GUCY1A1: variants seen among roughly 807,000 people sequenced by gnomAD.
The protein encoded by GUCY1A1 is guanylate cyclase 1 soluble subunit alpha 1.
Under a neutral mutation model 64.5 loss-of-function variants are expected in GUCY1A1, and 48 were observed. The ratio of observed to expected loss-of-function variants is 0.74; its 90% CI spans 0.59 to 0.95. The LOEUF (loss-of-function observed/expected upper bound fraction) is 0.95, where lower values mean the gene tolerates loss of function less well. Among genes scored for constraint, GUCY1A1 ranks in the 40% least tolerant of loss-of-function variants. The pLI is 0.00. For missense variants in GUCY1A1, 804 were observed against 825.3 expected, an observed-to-expected ratio of 0.97 and a Z score of 0.32; for synonymous variants, 308 against 303.4, an observed-to-expected ratio of 1.02 and a Z score of -0.16.
chr4:155,724,114 C>T (rs1734345045), intron 9 of GUCY1A1, among the ~76,000 whole-genome samples: 1 of 152,092 alleles, frequency 6.6e-6, no homozygotes, highest in South Asian at 2.1e-4. Context: ...CCCCAGTACT[C>T]ATCTCCTCCT....
chr4:155,692,857 G>C (rs191774338), intron 2 of GUCY1A1, among the ~76,000 whole-genome samples: 1 of 152,068 alleles, frequency 6.6e-6, no homozygotes, highest in Non-Finnish European at 1.5e-5. Context: ...TCAGGAGTTC[G>C]AGACCAGCCT....
intron 2 of GUCY1A1, among the ~76,000 whole-genome samples, chr4:155,677,302 C>T (rs72970581): frequency 0.022 from 3,316 of 152,208 alleles, 114 homozygotes; most frequent in African/African-American, 0.075. Context: ...TGATTTTGTT[C>T]ATCAGCTTAT....
chr4:155,668,882 T>C (rs1206229924), intron 2 of GUCY1A1, among the ~76,000 whole-genome samples: 1 of 119,836 alleles, frequency 8.3e-6, no homozygotes, highest in Non-Finnish European at 1.8e-5. Context: ...ACTGGGTCCG[T>C]GATCTTCTTC....
At chr4:155,708,928 G>GTGTACTTTACTCCTTT (rs1299916580) in intron 5 of GUCY1A1, among the ~76,000 whole-genome samples, 2 of 152,038 alleles carry the variant, frequency 1.3e-5, no homozygotes, top group Non-Finnish European at 2.9e-5. Flanking sequence ...GTGGTACTCA[G>GTGTACTTTACTCCTTT]AGTGTAAAGA....
chr4:155,682,454 A>C (rs1735915844), intron 2 of GUCY1A1, among the ~76,000 whole-genome samples: 1 of 152,126 alleles, frequency 6.6e-6, no homozygotes, highest in Non-Finnish European at 1.5e-5. Flanking sequence ...AGCGGGGCGG[A>C]TCACGAGGTT....
intron 6 of GUCY1A1, among the ~76,000 whole-genome samples, chr4:155,712,163 C>A (rs1419688367): frequency 1.3e-5 from 2 of 152,170 alleles, no homozygotes; most frequent in South Asian, 2.1e-4. Context: ...CTGCGTCTTG[C>A]TCTGTCGCCC....
intron 8 of GUCY1A1, among the ~76,000 whole-genome samples, chr4:155,720,337 T>TTCTATCTA (rs59667368): frequency 0.055 from 8,311 of 149,844 alleles, 263 homozygotes; most frequent in East Asian, 0.13. Flanking sequence ...AAGAGCTTTA[T>TTCTATCTA]TCTATCTATC....
chr4:155,711,059 T>C lies in GUCY1A1; in HGVS notation c.894T>C (p.Ile298=). 1 of 1,614,102 alleles carries C rather than the reference T, an allele frequency of 6.2e-7. No homozygotes were observed. Among genetic ancestry groups the C allele is most frequent in the Non-Finnish European group, 8.5e-7 (1 of 1,179,946 alleles). ...FHFMFDKDMT[I]LQFGNGIRRL... The stretch of plus-strand genomic sequence containing the variant: ...TCATGTTTGACAAAGATATGACAAT[T>C]CTGCAATTTGGCAATGGCATCAGAA... Residue 298 remains isoleucine, a synonymous_variant, in exon 6 of 10, where the codon ATT becomes ATC. Transcript: ENST00000506455.
chr4:155,693,906 G>A (rs930744928), intron 2 of GUCY1A1, among the ~76,000 whole-genome samples: 3 of 152,126 alleles, frequency 2.0e-5, no homozygotes, highest in African/African-American at 7.2e-5. Flanking sequence ...GAATGAGAGA[G>A]TTAAGTTTAA....
chr4:155,669,352 ATGCT>A (rs1314868097), intron 2 of GUCY1A1, among the ~76,000 whole-genome samples: 2 of 152,072 alleles, frequency 1.3e-5, no homozygotes, highest in African/African-American at 4.8e-5. Flanking sequence ...TAAAGTACTT[ATGCT>A]TGGTATAGTG....
rs1398886895 is a variant in GUCY1A1, at chr4:155,696,925, CT to C, written c.59del (p.Leu20ArgfsTer62). 1.2e-6 allele frequency: 2 copies of C among 1,612,480 alleles called. No individual in the cohort carries two copies. Among genetic ancestry groups the C allele is most frequent in the Non-Finnish European group, 1.7e-6 (2 of 1,178,650 alleles). On this transcript the variant is annotated frameshift_variant, in exon 3 of 10. Transcript: ENST00000506455. LOFTEE classifies it high-confidence loss of function. ...CACAGGAGAGTGTCCTTTCTCCTTACTGGCACCAGGTCAAGTTCCTAACGAG... is the reference window on the plus strand; with the variant it reads ...CACAGGAGAGTGTCCTTTCTCCTTACGGCACCAGGTCAAGTTCCTAACGAG... ...KITGECPFSL[L>X]APGQVPNESS... is the part of the protein sequence containing the mutation.
chr4:155,700,466 C>T (rs1452717085), intron 3 of GUCY1A1, among the ~76,000 whole-genome samples: 2 of 152,110 alleles, frequency 1.3e-5, no homozygotes, highest in African/African-American at 4.8e-5. Flanking sequence ...ATAAACCACA[C>T]CAATGATATT....
chr4:155,722,529 G>A (rs1734104353), intron 9 of GUCY1A1: 1 of 757,516 alleles, frequency 1.3e-6, no homozygotes, highest in Non-Finnish European at 1.6e-6. Context: ...AGTTCTGGCA[G>A]TAAACACCCA....
intron 6 of GUCY1A1, among the ~76,000 whole-genome samples, chr4:155,712,848 T>C (rs1217174649): frequency 2.0e-5 from 3 of 152,240 alleles, no homozygotes; most frequent in African/African-American, 7.2e-5. Context: ...GAGAAAGCCT[T>C]GAAGCAAGAG....
intron 7 of GUCY1A1, among the ~76,000 whole-genome samples, chr4:155,714,353 A>G (rs1732960931): frequency 6.6e-6 from 1 of 152,214 alleles, no homozygotes; most frequent in Non-Finnish European, 1.5e-5. Context: ...GTTAGGTAAT[A>G]CATGATATTC....
Position 155,734,039 on chromosome 4 carries a change from T to C in GUCY1A1, c.*3808T>C, listed in dbSNP as rs541589229. On this transcript the variant is annotated 3_prime_UTR_variant, in exon 10 of 10. Transcript: ENST00000506455. ...GGAGGAAAGAAGAGTTGCTTCAGCATTTTGACTAACATTTCTTCCAAATTT... is the reference window on the plus strand; with the variant it reads ...GGAGGAAAGAAGAGTTGCTTCAGCACTTTGACTAACATTTCTTCCAAATTT... Among the ~76,000 whole-genome samples the C allele has an allele frequency of 1.4e-4, 21 of 151,936 alleles. No individual in the cohort carries two copies. Among genetic ancestry groups the C allele is most frequent in the Non-Finnish European group, 3.1e-4 (21 of 67,924 alleles).
chr4:155,677,122 T>G lies in GUCY1A1; in HGVS notation c.-113+9703T>G, dbSNP rs1057233284. Among the ~76,000 whole-genome samples the G allele has an allele frequency of 3.3e-4, 49 of 146,722 alleles. 4 individuals carry two copies. The highest frequency in any genetic ancestry group is 1.1e-3 in the African/African-American group (41 of 36,224). ...TTTTTAATCCCTGAAATTTCGTCCT[T>G]TAGAATGTAGTAATAGGTACCTAAT... On this transcript the variant is annotated intron_variant, in intron 2 of 9. Transcript: ENST00000506455.
intron 9 of GUCY1A1, among the ~76,000 whole-genome samples, chr4:155,729,224 C>G (rs1455786904): frequency 1.3e-5 from 2 of 151,774 alleles, no homozygotes; most frequent in African/African-American, 4.8e-5. Context: ...AACCCACAGC[C>G]ATGCAACATT....
At chr4:155,697,339 G>C (rs1360379594) in intron 3 of GUCY1A1, among the ~76,000 whole-genome samples, 1 of 152,110 alleles carries the variant, frequency 6.6e-6, no homozygotes, top group Non-Finnish European at 1.5e-5. Context: ...CTTTTCAAAA[G>C]AACACTGCAG....
Sources: gnomAD v4.1 joint callset for allele counts (sites outside exome capture counted in the v4.1 genomes callset) on GRCh38, gnomAD v4.1.1 for gene constraint, MANE v1.5 for transcripts, NCBI Gene and HGNC (gene_info 2026-07-23, HGNC 2026-07-21) for gene names.